Variants in HAUS6 observed in about 807,000 individuals in gnomAD.
HAUS6 encodes the protein HAUS augmin-like complex subunit 6.
HAUS6 carries 80 observed loss-of-function variants against 106.8 expected under a neutral mutation model. The ratio of observed to expected loss-of-function variants is 0.75; its 90% CI spans 0.63 to 0.90. The LOEUF is 0.90. Among genes scored for constraint, HAUS6 ranks in the 40% least tolerant of loss-of-function variants. The probability of loss-of-function intolerance (pLI) is 0.00; values close to 1 mark genes in which losing one functional copy is unlikely to be tolerated. For missense variants in HAUS6, 1,155 were observed against 1,118.1 expected (o/e 1.03, Z -0.47); for synonymous variants, 356 against 379.1 (o/e 0.94, Z 0.71).
chr9:19,096,805 AAAAGG>A (rs774808075), intron 1 of HAUS6, 36 bp from the exon 2 acceptor site: 5 of 1,017,092 alleles, frequency 4.9e-6, no homozygotes, highest in Non-Finnish European at 7.4e-6. Flanking sequence ...TAGAAAAAGA[AAAAGG>A]TTAATAAGCT....
chr9:19,068,194 A>G (rs980234984), intron 12 of HAUS6, among the ~76,000 whole-genome samples: 2 of 152,190 alleles, frequency 1.3e-5, no homozygotes, highest in Non-Finnish European at 2.9e-5. Context: ...AGCCTGCCAT[A>G]AAAAGAACTG....
chr9:19,093,062 T>A, intron 4 of HAUS6, 109 bp downstream of exon 4: 1 of 775,850 alleles, frequency 1.3e-6, no homozygotes, highest in Non-Finnish European at 2.0e-6. Flanking sequence ...GGTACATTAA[T>A]GTTTTAACTT....
At chr9:19,100,308 G>T (rs1222768423) in intron 1 of HAUS6, among the ~76,000 whole-genome samples, 3 of 152,248 alleles carry the variant, frequency 2.0e-5, no homozygotes, top group African/African-American at 7.2e-5. Context: ...GGAGGCTGCA[G>T]TGAGCCACAT....
In HAUS6 at chr9:19,076,635, T is replaced by G. The variant is rs2131125647; in HGVS notation, c.1261A>C (p.Ser421Arg). Residue 421 changes from serine to arginine, a missense_variant, in exon 11 of 17, where the codon AGT becomes CGT. Physicochemically the swap from Ser to Arg is moderately radical, Grantham distance 110. Around this residue, in one of 3 missense-constraint regions of HAUS6, gnomAD observed 761 missense variants for 690.0 expected, o/e 1.10. Transcript: ENST00000380502. ...DPASEEVYAKSILCQYPASLP... is the reference protein window; with the variant it reads ...DPASEEVYAKRILCQYPASLP... ...GAAGCAGGATACTGACAAAGAATAC[T>G]CTTTGCATACACTTCTTCTGAGGCA... 1 of 1,587,278 alleles carries G rather than the reference T, an allele frequency of 6.3e-7. No individual in the cohort carries two copies. Among genetic ancestry groups the G allele is most frequent in the Middle Eastern group, 1.9e-4 (1 of 5,174 alleles).
Position 19,089,492 on chromosome 9 carries a change from T to C in HAUS6, c.504A>G (p.Arg168=), listed in dbSNP as rs759609637. 3.7e-6 allele frequency: 6 copies of C among 1,611,170 alleles called. No homozygotes were observed. Among genetic ancestry groups the C allele is most frequent in the Non-Finnish European group, 4.2e-6 (5 of 1,177,330 alleles). The change falls in exon 5 of 17, where the codon AGA becomes AGG. Residue 168 remains arginine, a synonymous_variant. Coordinates refer to ENST00000380502, the MANE Select transcript of HAUS6 (RefSeq NM_017645.5). ...AAAATCTGCTACGTGCGAAATGGCA[T>C]CTGGCAATGCATTTGTGCAAGTCCT... is the stretch of plus-strand genomic sequence containing the variant. ...KPQDLHKCIA[R]CHFARSRFLQ... is the part of the protein sequence containing the mutation.
intron 12 of HAUS6, 44 bp from the exon 13 acceptor site, chr9:19,063,624 G>T (rs369209803): frequency 6.4e-6 from 8 of 1,258,156 alleles, no homozygotes; most frequent in Non-Finnish European, 9.4e-6. Flanking sequence ...AAGGAGAAAA[G>T]AATTCCATTC....
chr9:19,098,165 G>A (rs184122010), intron 1 of HAUS6, among the ~76,000 whole-genome samples: 45 of 152,290 alleles, frequency 3.0e-4, no homozygotes, highest in Admixed American at 2.6e-3. Flanking sequence ...AAGGGGTCGG[G>A]TGCAGCGGCT....
chr9:19,083,127 A>T, intron 7 of HAUS6, 84 bp from the exon 8 acceptor site: 2 of 658,448 alleles, frequency 3.0e-6, no homozygotes, highest in Non-Finnish European at 4.8e-6. Context: ...ACTCTTAGTA[A>T]CAAATTTCCT....
chr9:19,078,149 G>A (rs755121093), intron 10 of HAUS6, 27 bp downstream of exon 10: 29 of 1,576,960 alleles, frequency 1.8e-5, no homozygotes, highest in South Asian at 2.3e-5. Flanking sequence ...GTGGCGGGGA[G>A]GGCAGGGGCA....
chr9:19,086,637 A>T (rs76309824), intron 7 of HAUS6, 97 bp downstream of exon 7: 2 of 573,230 alleles, frequency 3.5e-6, no homozygotes, highest in African/African-American at 2.0e-5. Context: ...AAAAAAAAAA[A>T]GTGGTAAATA....
Position 19,078,279 on chromosome 9 carries a change from G to C in HAUS6, c.1088C>G (p.Thr363Arg). The change falls in exon 10 of 17, where the codon ACA becomes AGA. Residue 363 changes from threonine to arginine, a missense_variant. Coordinates refer to ENST00000380502, the MANE Select transcript of HAUS6 (RefSeq NM_017645.5). ...HMRYRIKDDL[T>R]TIRHSVVEKQ... ...TTCAACAACAGAATGTCTTATAGTT[G>C]TGAGATCATCTTTTATTCTATACCT... is the stretch of plus-strand genomic sequence containing the variant. 1 of 1,505,314 alleles carries C rather than the reference G, an allele frequency of 6.6e-7. No individual in the cohort carries two copies. The highest frequency in any genetic ancestry group is 9.2e-7 in the Non-Finnish European group (1 of 1,082,650). 93.2% of individuals were successfully genotyped at this position (1,505,314 alleles called of 1,614,324 possible). A position where few individuals can be genotyped will look rare whatever the true frequency, so the allele number is the denominator to read the frequency against.
At chr9:19,072,148 C>T (rs1202197107) in intron 11 of HAUS6, among the ~76,000 whole-genome samples, 3 of 151,516 alleles carry the variant, frequency 2.0e-5, no homozygotes, top group Admixed American at 6.6e-5. Flanking sequence ...GGAAATCATG[C>T]CATTGCACTC....
chr9:19,101,636 T>C (rs886309339), intron 1 of HAUS6, among the ~76,000 whole-genome samples: 3 of 151,512 alleles, frequency 2.0e-5, no homozygotes, highest in Non-Finnish European at 2.9e-5. Context: ...TTTAAAAAAA[T>C]AGAGGCCGGG....
chr9:19,061,808 T>C (rs966945888), intron 14 of HAUS6, among the ~76,000 whole-genome samples: 3 of 152,118 alleles, frequency 2.0e-5, no homozygotes, highest in African/African-American at 7.2e-5. Flanking sequence ...GCACTCCAGC[T>C]TGGGTGACAG....
At position 19,053,993 on chromosome 9, in the gene HAUS6, TAA is replaced by T. The variant is rs952335127; in HGVS notation, c.*2348_*2349del. ...ATCAATTCGTGGGATATTAAATGAATAAAAAGATAAACCATAGGAGATTTCAG... is the reference window on the plus strand; with the variant it reads ...ATCAATTCGTGGGATATTAAATGAATAAAGATAAACCATAGGAGATTTCAG... On this transcript the variant is annotated 3_prime_UTR_variant, in exon 17 of 17. Transcript: ENST00000380502. 8 of 152,156 alleles carry T rather than the reference TAA, an allele frequency of 5.3e-5. No homozygotes were observed. Among genetic ancestry groups the T allele is most frequent in the African/African-American group, 1.7e-4 (7 of 41,502 alleles). 9.4% of individuals were successfully genotyped at this position (152,156 alleles called of 1,614,324 possible).
At chr9:19,068,331 A>G (rs1836810082) in intron 12 of HAUS6, among the ~76,000 whole-genome samples, 1 of 152,060 alleles carries the variant, frequency 6.6e-6, no homozygotes. Flanking sequence ...AGACTAAAAT[A>G]TGGTTCTTCC....
rs1836444842 is a variant in HAUS6 at position 19,055,305 on chromosome 9, G to C, written c.*1038C>G. ...TGTTCCATTCCTCCTGGTTCACAGAGGGCAATAGTATGTGTTCACTTGGAT... is the reference window on the plus strand; with the variant it reads ...TGTTCCATTCCTCCTGGTTCACAGACGGCAATAGTATGTGTTCACTTGGAT... On this transcript the variant is annotated 3_prime_UTR_variant, in exon 17 of 17. Transcript: ENST00000380502. 6.6e-6 allele frequency: 1 copy of C among 152,188 alleles called. No homozygotes were observed. Among genetic ancestry groups the C allele is most frequent in the South Asian group, 2.1e-4 (1 of 4,820 alleles). The allele number at this position is 152,188 out of a possible 1,614,324, so 9.4% of individuals were successfully genotyped here. A position where few individuals can be genotyped will look rare whatever the true frequency, so the allele number is the denominator to read the frequency against.
intron 14 of HAUS6, among the ~76,000 whole-genome samples, chr9:19,060,664 G>A (rs1470025242): frequency 6.6e-6 from 1 of 152,142 alleles, no homozygotes; most frequent in Non-Finnish European, 1.5e-5. Context: ...GAATCATTCT[G>A]ACAACATACC....
At position 19,078,205 on chromosome 9, in the gene HAUS6, G is replaced by A; in HGVS notation, c.1162C>T (p.Pro388Ser). The A allele has an allele frequency of 6.2e-7, 1 of 1,605,380 alleles. No individual in the cohort carries two copies. Among genetic ancestry groups the A allele is most frequent in the Non-Finnish European group, 8.5e-7 (1 of 1,174,212 alleles). Residue 388 changes from proline (P) to serine (S), a missense_variant, in exon 10 of 17, where the codon CCT becomes TCT. By Grantham distance (74) the Pro-to-Ser change is moderately conservative (BLOSUM62 -1). This residue lies in a region of HAUS6 where 761 missense variants were observed against 690.0 expected (regional missense o/e 1.10). Coordinates refer to ENST00000380502, the MANE Select transcript of HAUS6 (RefSeq NM_017645.5). Reference sequence around the variant, plus strand: ...GTCCAACCTTTAATTAGACTGAAAGGAGACAAACCAAGAAATTCTTTCCAC... The same window carrying A: ...GTCCAACCTTTAATTAGACTGAAAGAAGACAAACCAAGAAATTCTTTCCAC... Reference protein sequence around the residue: ...KKWKEFLGLSPFSLIKGWTPS... With the variant: ...KKWKEFLGLSSFSLIKGWTPS...
Sources: gnomAD v4.1 joint callset for allele counts (sites outside exome capture counted in the v4.1 genomes callset) on GRCh38, gnomAD v4.1.1 for gene constraint, gnomAD v4.1.1 regional missense constraint, MANE v1.5 for transcripts, NCBI Gene and HGNC (gene_info 2026-07-23, HGNC 2026-07-21) for gene names.